The following ADGRL3 variants were observed in gnomAD, a reference collection of about 807,000 sequenced individuals.
ADGRL3 encodes calcium-independent alpha-latrotoxin receptor 3.
In ADGRL3, 62 loss-of-function variants were observed where a neutral mutation model predicts 153.5. That is an observed-to-expected ratio of 0.40 (90% CI 0.33 to 0.50). The LOEUF (loss-of-function observed/expected upper bound fraction) is 0.50. ADGRL3 is among the 20% of genes least tolerant of loss of function. ADGRL3 has a pLI of 0.47. For missense variants in ADGRL3, 1,641 were observed against 1,859.4 expected (o/e 0.88, Z 2.16); for synonymous variants, 710 against 672.5 (o/e 1.06, Z -0.86).
Position 61,497,169 on chromosome 4 carries a change from T to C in ADGRL3, c.-125T>C. 3.1e-6 allele frequency: 2 copies of C among 635,726 alleles called. No homozygotes were observed. The highest frequency in any genetic ancestry group is 3.9e-5 in the South Asian group (2 of 51,488). The allele number at this position is 635,726 out of a possible 1,614,324, so 39.4% of individuals were successfully genotyped here. On this transcript the variant is annotated 5_prime_UTR_variant, in exon 3 of 27. Coordinates refer to ENST00000683033, the MANE Select transcript of ADGRL3 (RefSeq NM_001387552.1). ...TTTCTGTTTTGGAGAAATTATTCTT[T>C]TTCTTTTTAATTTGAAGAAAAATCA...
chr4:61,217,543 G>A (rs1467605889), intron 1 of ADGRL3, among the ~76,000 whole-genome samples: 1 of 152,182 alleles, frequency 6.6e-6, no homozygotes, highest in Non-Finnish European at 1.5e-5. Context: ...GTGAGTTAAC[G>A]TAGAGAATGT....
Position 61,716,213 on chromosome 4 carries a change from G to C in ADGRL3, c.584-14409G>C, listed in dbSNP as rs923073289. Among the ~76,000 whole-genome samples the C allele has an allele frequency of 3.3e-5, 5 of 152,174 alleles. No homozygotes were observed. The South Asian group carries it at 1.0e-3, about 32-fold the overall frequency. On this transcript the variant is annotated intron_variant, in intron 6 of 26. Transcript: ENST00000683033. ...GTACTTCCTTCTTCTGTTATTGAAA[G>C]ACTGGTGTGTGGCTCTAGAAACAGT... is the stretch of plus-strand genomic sequence containing the variant.
intron 25 of ADGRL3, among the ~76,000 whole-genome samples, chr4:62,057,015 A>G (rs951997930): frequency 6.6e-6 from 1 of 152,146 alleles, no homozygotes; most frequent in African/African-American, 2.4e-5. Flanking sequence ...CAAGAATGTA[A>G]GTGCATTAAA....
At chr4:61,755,181 G>A (rs1026981668) in intron 8 of ADGRL3, among the ~76,000 whole-genome samples, 55 of 152,244 alleles carry the variant, frequency 3.6e-4, no homozygotes, top group African/African-American at 1.3e-3. Flanking sequence ...CTAGATCCCT[G>A]AGGAATCGCC....
intron 2 of ADGRL3, among the ~76,000 whole-genome samples, chr4:61,445,319 A>G (rs1462285792): frequency 6.6e-6 from 1 of 152,210 alleles, no homozygotes; most frequent in African/African-American, 2.4e-5. Flanking sequence ...ACTCTGCTAT[A>G]TCAACCTGAG....
At chr4:61,684,826 A>G (rs1461063210) in intron 6 of ADGRL3, among the ~76,000 whole-genome samples, 2 of 151,970 alleles carry the variant, frequency 1.3e-5, no homozygotes, top group Non-Finnish European at 2.9e-5. Flanking sequence ...ATAATTTTAA[A>G]TATTTCCTGG....
At chr4:61,427,870 C>T (rs571736061) in intron 2 of ADGRL3, 1 of 152,878 alleles carries the variant, frequency 6.5e-6, no homozygotes, top group South Asian at 2.1e-4. Flanking sequence ...TCAAAAACGC[C>T]CATCCAACTC....
intron 5 of ADGRL3, among the ~76,000 whole-genome samples, chr4:61,665,260 A>G (rs1181886877): frequency 1.3e-5 from 2 of 152,124 alleles, no homozygotes; most frequent in African/African-American, 4.8e-5. Flanking sequence ...AAATACAAAA[A>G]ATTAGCTGGA....
intron 15 of ADGRL3, among the ~76,000 whole-genome samples, chr4:61,937,778 T>C (rs990134179): frequency 6.6e-6 from 1 of 152,208 alleles, no homozygotes; most frequent in Non-Finnish European, 1.5e-5. Flanking sequence ...TACATCTATA[T>C]ACTCACTACT....
intron 8 of ADGRL3, among the ~76,000 whole-genome samples, chr4:61,756,175 TG>T (rs2152110735): frequency 6.6e-6 from 1 of 152,348 alleles, no homozygotes; most frequent in Admixed American, 6.5e-5. Context: ...GGTAGATTGA[TG>T]GGGATGGCGT....
chr4:61,318,302 A>G (rs544040578), intron 1 of ADGRL3, among the ~76,000 whole-genome samples: 2 of 152,124 alleles, frequency 1.3e-5, no homozygotes, highest in Admixed American at 6.6e-5. Context: ...TGCTTCAACA[A>G]CTTTGGAGGA....
chr4:61,957,999 T>C (rs2098973904), intron 17 of ADGRL3, among the ~76,000 whole-genome samples: 1 of 152,204 alleles, frequency 6.6e-6, no homozygotes, highest in Non-Finnish European at 1.5e-5. Context: ...TTGCTGCAGT[T>C]GTGCAAATTT....
chr4:61,502,146 T>TAATA (rs1303380118), intron 3 of ADGRL3, among the ~76,000 whole-genome samples: 1 of 152,040 alleles, frequency 6.6e-6, no homozygotes, highest in Non-Finnish European at 1.5e-5. Context: ...CAAAACCCAG[T>TAATA]AATAACGTAG....
At chr4:61,890,070 G>A (rs2098563429) in intron 9 of ADGRL3, among the ~76,000 whole-genome samples, 1 of 152,138 alleles carries the variant, frequency 6.6e-6, no homozygotes, top group African/African-American at 2.4e-5. Context: ...GTTCATTTGA[G>A]CATGAGATTA....
chr4:61,954,382 GCTGT>G (rs1200271590), intron 17 of ADGRL3, among the ~76,000 whole-genome samples: 1 of 151,718 alleles, frequency 6.6e-6, no homozygotes, highest in Non-Finnish European at 1.5e-5. Flanking sequence ...CTCCTTAACT[GCTGT>G]CTGTTTCCCT....
At chr4:61,775,428 G>A (rs892203295) in intron 8 of ADGRL3, 6 of 686,854 alleles carry the variant, frequency 8.7e-6, no homozygotes, top group Middle Eastern at 4.2e-4. Flanking sequence ...GTGTGTGTGT[G>A]TGTGCCAAAG....
At chr4:61,230,191 G>A (rs930234599) in intron 1 of ADGRL3, among the ~76,000 whole-genome samples, 1 of 152,146 alleles carries the variant, frequency 6.6e-6, no homozygotes. Context: ...AGCGATCACG[G>A]CTGTCTGCTA....
intron 5 of ADGRL3, among the ~76,000 whole-genome samples, chr4:61,609,001 C>CT (rs550504778): frequency 2.1e-3 from 314 of 151,940 alleles, no homozygotes; most frequent in African/African-American, 7.2e-3. Context: ...TAAAAATTGT[C>CT]TTTTTTTTCT....
At chr4:61,691,067 G>T (rs1159792650) in intron 6 of ADGRL3, among the ~76,000 whole-genome samples, 1 of 152,254 alleles carries the variant, frequency 6.6e-6, no homozygotes, top group East Asian at 1.9e-4. Flanking sequence ...AGAATGAATG[G>T]TAAGTGTAAA....
Sources: gnomAD v4.1 joint callset for allele counts (sites outside exome capture counted in the v4.1 genomes callset) on GRCh38, gnomAD v4.1.1 for gene constraint, MANE v1.5 for transcripts, NCBI Gene and HGNC (gene_info 2026-07-23, HGNC 2026-07-21) for gene names.